RER1: variants seen among roughly 807,000 people sequenced by gnomAD.
RER1 encodes the protein retention in endoplasmic reticulum sorting receptor 1.
A neutral mutation model predicts 28.3 loss-of-function variants in RER1; 6 were observed. The observed-to-expected ratio is 0.21, with a 90% CI of 0.12 to 0.42. The LOEUF (loss-of-function observed/expected upper bound fraction) is 0.42, where lower values mean the gene tolerates loss of function less well. Ranked by LOEUF, RER1 falls within the 10% of genes least tolerant of loss-of-function variation. The pLI is 1.00. For synonymous variants in RER1, 110 were observed against 95.9 expected, an observed-to-expected ratio of 1.15 and a Z score of -0.86; for missense variants, 159 against 252.9, an observed-to-expected ratio of 0.63 and a Z score of 2.52.
At chr1:2,402,055 CCTG>C (rs1642871033) in intron 5 of RER1, 149 bp from the exon 6 acceptor site, 5 of 1,571,162 alleles carry the variant, frequency 3.2e-6, no homozygotes, top group Admixed American at 1.9e-5. Context: ...TGCAAAGGGT[CCTG>C]CTGCTGCTGT....
rs886046143 is a variant in RER1, at chr1:2,405,267, C to T, written c.*2143C>T. On this transcript the variant is annotated 3_prime_UTR_variant, in exon 7 of 7. Coordinates refer to ENST00000605895, the MANE Select transcript of RER1 (RefSeq NM_007033.5). ...CAGCCGCCCTCGGGGAGAGCAGCGC[C>T]GCCTCCCATGGGGCCGTGGGGCTGC... The T allele has an allele frequency of 5.3e-5, 15 of 283,494 alleles. No homozygotes were observed. Among genetic ancestry groups the T allele is most frequent in the South Asian group, 1.7e-4 (5 of 30,002 alleles). 17.6% of individuals were successfully genotyped at this position (283,494 alleles called of 1,614,324 possible).
At position 2,400,845 on chromosome 1, in the gene RER1, T is replaced by C. The variant is rs370517114; in HGVS notation, c.287-12T>C. The C allele has an allele frequency of 3.1e-6, 5 of 1,612,368 alleles. No individual in the cohort carries two copies. The highest frequency in any genetic ancestry group is 4.2e-6 in the Non-Finnish European group (5 of 1,178,434). On this transcript the variant is annotated splice_polypyrimidine_tract_variant and intron_variant, in intron 4 of 6. Coordinates refer to ENST00000605895, the MANE Select transcript of RER1 (RefSeq NM_007033.5). The stretch of plus-strand genomic sequence containing the variant: ...AAGAGGTGCCCTCCCTGATGGTTGC[T>C]CTGCCTTACAGATGACGGTCCTTCG...
chr1:2,395,769 G>T lies in RER1; in HGVS notation c.-7-15G>T. On this transcript the variant is annotated splice_polypyrimidine_tract_variant and intron_variant, in intron 1 of 6. Transcript: ENST00000605895. ...AATGCTTTTTACTGAAAAGTATTTT[G>T]TGTTTTTCTCCCAGTTACAGAATGT... The T allele has an allele frequency of 6.3e-7, 1 of 1,582,736 alleles. No individual in the cohort carries two copies. Among genetic ancestry groups the T allele is most frequent in the Non-Finnish European group, 8.7e-7 (1 of 1,151,376 alleles).
At chr1:2,400,966 A>T in intron 5 of RER1, 31 bp downstream of exon 5, 1 of 1,560,850 alleles carries the variant, frequency 6.4e-7, no homozygotes, top group Non-Finnish European at 8.8e-7. Context: ...ATTTGAAGAG[A>T]ATTGTGCTCA....
At chr1:2,393,739 G>A (rs1642727580) in intron 1 of RER1, among the ~76,000 whole-genome samples, 2 of 152,216 alleles carry the variant, frequency 1.3e-5, no homozygotes, top group African/African-American at 2.4e-5. Flanking sequence ...CAAAGTTCAC[G>A]TTCTTGCTCC....
At chr1:2,397,340 A>G in intron 3 of RER1, 120 bp downstream of exon 3, 2 of 697,068 alleles carry the variant, frequency 2.9e-6, no homozygotes, top group African/African-American at 1.8e-5. Flanking sequence ...ATCAATTTTC[A>G]GCTAAACGCC....
chr1:2,403,638 C>A lies in RER1; in HGVS notation c.*514C>A, dbSNP rs1005348420. 1 of 155,672 alleles carries A rather than the reference C, an allele frequency of 6.4e-6. No homozygotes were observed. The highest frequency in any genetic ancestry group is 2.4e-5 in the African/African-American group (1 of 41,460). The allele number at this position is 155,672 out of a possible 1,614,324, so 9.6% of individuals were successfully genotyped here. A position where few individuals can be genotyped will look rare whatever the true frequency, so the allele number is the denominator to read the frequency against. On this transcript the variant is annotated 3_prime_UTR_variant, in exon 7 of 7. Coordinates refer to ENST00000605895, the MANE Select transcript of RER1 (RefSeq NM_007033.5). ...GGTTCTAATGCCAGTTTCCTAATTC[C>A]ATCTCACTGGAGATGTTTAAAGTTG... is the stretch of plus-strand genomic sequence containing the variant.
At chr1:2,402,488 C>T (rs565602226) in intron 6 of RER1, 146 bp downstream of exon 6, 33 of 1,039,824 alleles carry the variant, frequency 3.2e-5, no homozygotes, top group South Asian at 2.1e-4. Flanking sequence ...TTGTGTGTGA[C>T]GAGGACACTG....
At chr1:2,402,409 G>C (rs910135625) in intron 6 of RER1, 67 bp downstream of exon 6, 6 of 1,597,428 alleles carry the variant, frequency 3.8e-6, no homozygotes, top group Non-Finnish European at 5.1e-6. Context: ...CATTGGGGGA[G>C]CTGTGCTGGG....
chr1:2,393,680 A>G (rs1415995041), intron 1 of RER1, among the ~76,000 whole-genome samples: 2 of 152,208 alleles, frequency 1.3e-5, no homozygotes, highest in Non-Finnish European at 2.9e-5. Flanking sequence ...TCCTAGTCAC[A>G]CTGGCAGAGA....
At chr1:2,401,615 G>A (rs899109226) in intron 5 of RER1, among the ~76,000 whole-genome samples, 3 of 151,908 alleles carry the variant, frequency 2.0e-5, no homozygotes, top group African/African-American at 7.3e-5. Flanking sequence ...CACTCTGGGA[G>A]CACAGGAGGA....
chr1:2,395,896 G>A, intron 2 of RER1, 25 bp downstream of exon 2: 1 of 1,546,314 alleles, frequency 6.5e-7, no homozygotes. Context: ...TAGTAGATGA[G>A]TATAAATATT....
At chr1:2,395,723 G>C (rs982171793) in intron 1 of RER1, 61 bp from the exon 2 acceptor site, 1 of 1,174,660 alleles carries the variant, frequency 8.5e-7, no homozygotes, top group Non-Finnish European at 1.3e-6. Flanking sequence ...GTGAAAATAG[G>C]GCCAGGATTT....
rs1570068777 is a variant in RER1, at chr1:2,391,862, G to T, written c.-104G>T. The T allele has an allele frequency of 1.0e-5, 3 of 285,836 alleles. No homozygotes were observed. Among genetic ancestry groups the T allele is most frequent in the Middle Eastern group, 2.0e-3 (2 of 1,002 alleles). 17.7% of individuals were successfully genotyped at this position (285,836 alleles called of 1,614,324 possible). ...GCGGAAGTGCTCGCTGCAGCTTCCC[G>T]GAGCCGGAGCGCAGCGCCTGCGGCC... On this transcript the variant is annotated 5_prime_UTR_variant, in exon 1 of 7. Coordinates refer to ENST00000605895, the MANE Select transcript of RER1 (RefSeq NM_007033.5).
rs41315646 is a variant in RER1 at position 2,403,384 on chromosome 1, C to T, written c.*260C>T. On this transcript the variant is annotated 3_prime_UTR_variant, in exon 7 of 7. Coordinates refer to ENST00000605895, the MANE Select transcript of RER1 (RefSeq NM_007033.5). Reference sequence around the variant, plus strand: ...AGTCAGCTGCAGGCGGGAAGCCAGGCGGGTGGAGCCCATGGGAGCAAGGGC... The same window carrying T: ...AGTCAGCTGCAGGCGGGAAGCCAGGTGGGTGGAGCCCATGGGAGCAAGGGC... 1.9e-5 allele frequency: 8 copies of T among 411,702 alleles called. No homozygotes were observed. Among genetic ancestry groups the T allele is most frequent in the Non-Finnish European group, 2.7e-5 (6 of 218,948 alleles). The allele number at this position is 411,702 out of a possible 1,614,324, so 25.5% of individuals were successfully genotyped here. A position where few individuals can be genotyped will look rare whatever the true frequency, so the allele number is the denominator to read the frequency against.
At chr1:2,397,299 C>A in intron 3 of RER1, 79 bp downstream of exon 3, 2 of 934,898 alleles carry the variant, frequency 2.1e-6, no homozygotes, top group Non-Finnish European at 3.5e-6. Context: ...GTTGTTGATC[C>A]AGTCTGTCTT....
chr1:2,401,231 T>TCCTCCCTCCTC (rs1642845296), intron 5 of RER1, among the ~76,000 whole-genome samples: 4 of 70,926 alleles, frequency 5.6e-5, no homozygotes, highest in African/African-American at 2.0e-4. Context: ...CCTCCTCCCT[T>TCCTCCCTCCTC]CCTCCCTCCT....
At chr1:2,401,828 G>A (rs1642867496) in intron 5 of RER1, 1 of 552,512 alleles carries the variant, frequency 1.8e-6, no homozygotes, top group East Asian at 3.0e-5. Context: ...AGGGAGCACT[G>A]GTGGCCATGC....
intron 3 of RER1, 21 bp downstream of exon 3, chr1:2,397,241 C>T (rs779845090): frequency 1.7e-5 from 26 of 1,522,060 alleles, no homozygotes; most frequent in African/African-American, 1.4e-4. Context: ...GCTGAAGTGA[C>T]GAGACTTGGC....
Sources: allele counts gnomAD v4.1 joint callset (sites outside exome capture counted in the v4.1 genomes callset), GRCh38; gene constraint gnomAD v4.1.1; transcripts MANE v1.5; gene names NCBI Gene and HGNC (gene_info 2026-07-23, HGNC 2026-07-21).